The following DIP2C variants were observed in gnomAD, a reference collection of about 807,000 sequenced individuals.
DIP2C encodes the protein disco-interacting protein 2 homolog C.
A neutral mutation model predicts 192.4 loss-of-function variants in DIP2C; 33 were observed. That is an observed-to-expected ratio of 0.17 (90% CI 0.13 to 0.23). The LOEUF (loss-of-function observed/expected upper bound fraction) is 0.23, where lower values mean the gene tolerates loss of function less well. DIP2C is among the 10% of genes least tolerant of loss of function. DIP2C has a pLI of 1.00. For synonymous variants in DIP2C, 979 were observed against 864.1 expected (o/e 1.13, Z -2.33); for missense variants, 1,537 against 2,110.1 (o/e 0.73, Z 5.32).
intron 1 of DIP2C, among the ~76,000 whole-genome samples, chr10:513,798 A>G (rs1564808634): frequency 6.6e-6 from 1 of 152,234 alleles, no homozygotes; most frequent in Admixed American, 6.5e-5. Context: ...TAAAAGTCTC[A>G]TTAAGTAAAA....
At chr10:507,247 C>G (rs944313731) in intron 1 of DIP2C, among the ~76,000 whole-genome samples, 1 of 149,378 alleles carries the variant, frequency 6.7e-6, no homozygotes, top group Non-Finnish European at 1.5e-5. Context: ...CGTGAGGTTA[C>G]GGACCTGGTC....
intron 28 of DIP2C, 128 bp downstream of exon 28, chr10:344,681 G>T (rs957464624): frequency 4.1e-6 from 3 of 739,932 alleles, no homozygotes; most frequent in Non-Finnish European, 6.8e-6. Flanking sequence ...AATGAAACAC[G>T]TATGTATACC....
At chr10:302,285 C>G (rs769750680) in intron 32 of DIP2C, among the ~76,000 whole-genome samples, 4 of 152,130 alleles carry the variant, frequency 2.6e-5, no homozygotes, top group Non-Finnish European at 2.9e-5. Context: ...TGCCATTTCA[C>G]AGGCAGAGAA....
chr10:509,219 G>C (rs1845844039), intron 1 of DIP2C, among the ~76,000 whole-genome samples: 1 of 152,156 alleles, frequency 6.6e-6, no homozygotes, highest in South Asian at 2.1e-4. Context: ...CACCCGGGGA[G>C]GGGCATAGAG....
intron 3 of DIP2C, among the ~76,000 whole-genome samples, chr10:443,524 G>A (rs1967914449): frequency 6.6e-6 from 1 of 152,084 alleles, no homozygotes; most frequent in Admixed American, 6.5e-5. Context: ...CTCTGCTGCT[G>A]GGCACTGCCA....
chr10:529,482 G>A (rs538586871), intron 1 of DIP2C, among the ~76,000 whole-genome samples: 1 of 151,236 alleles, frequency 6.6e-6, no homozygotes, highest in South Asian at 2.1e-4. Flanking sequence ...ACAAAAGTTA[G>A]TTCTCAAAAT....
At chr10:534,738 G>A (rs533537412) in intron 1 of DIP2C, among the ~76,000 whole-genome samples, 1,556 of 150,566 alleles carry the variant, frequency 0.01, 29 homozygotes, top group African/African-American at 0.036. Flanking sequence ...CTGCAGTGGC[G>A]CAATCTCGGC....
At chr10:614,755 C>CGGGCTCCCTTGCCG (rs1853332523) in intron 1 of DIP2C, among the ~76,000 whole-genome samples, 1 of 152,230 alleles carries the variant, frequency 6.6e-6, no homozygotes, top group African/African-American at 2.4e-5. Flanking sequence ...CCTCTGGCTA[C>CGGGCTCCCTTGCCG]GGGCTCCCTT....
intron 29 of DIP2C, among the ~76,000 whole-genome samples, chr10:334,906 T>C (rs1957683846): frequency 6.6e-6 from 1 of 152,226 alleles, no homozygotes; most frequent in Non-Finnish European, 1.5e-5. Flanking sequence ...AAAACTGCTT[T>C]CACTATTGTG....
chr10:477,649 A>G (rs1345513602), intron 2 of DIP2C, among the ~76,000 whole-genome samples: 2 of 137,534 alleles, frequency 1.5e-5, no homozygotes, highest in Non-Finnish European at 3.2e-5. Flanking sequence ...GAAGAGAAGA[A>G]AAATAGATGA....
intron 1 of DIP2C, among the ~76,000 whole-genome samples, chr10:595,076 T>A (rs1157290259): frequency 6.6e-6 from 1 of 152,192 alleles, no homozygotes; most frequent in Non-Finnish European, 1.5e-5. Context: ...GTCTTCTACA[T>A]GGCATCAGCC....
intron 32 of DIP2C, among the ~76,000 whole-genome samples, chr10:300,231 T>TG (rs780831395): frequency 1.4e-4 from 22 of 152,108 alleles, no homozygotes; most frequent in Non-Finnish European, 2.2e-4. Flanking sequence ...AGCCCAAAGG[T>TG]GGAAGCAACC....
chr10:483,543 A>G (rs1012992606), intron 2 of DIP2C, among the ~76,000 whole-genome samples: 4 of 152,206 alleles, frequency 2.6e-5, no homozygotes, highest in African/African-American at 7.2e-5. Context: ...CTGGGCCTCA[A>G]TCAGGCGGCC....
At position 363,236 on chromosome 10, in the gene DIP2C, C is replaced by G. The variant is rs145004490; in HGVS notation, c.2553G>C (p.Thr851=). Residue 851 remains threonine, a synonymous_variant, in exon 21 of 37, where the codon ACG becomes ACC. Transcript: ENST00000280886. The surrounding 1 kb of genome is among the most constrained non-coding windows in gnomAD (Gnocchi z 5.4). ...TCATCCACTGGAAACTGTCCTCTTC[C>G]GTGGAGTCAGGCCTCTGCTCAGCCA... is the stretch of plus-strand genomic sequence containing the variant. ...VIVAEQRPDS[T]EEDSFQWMSR... 1 of 1,613,542 alleles carries G rather than the reference C, an allele frequency of 6.2e-7. No homozygotes were observed. Among genetic ancestry groups the G allele is most frequent in the Non-Finnish European group, 8.5e-7 (1 of 1,180,012 alleles).
At chr10:359,738 T>G (rs974611857) in intron 22 of DIP2C, among the ~76,000 whole-genome samples, 2 of 152,190 alleles carry the variant, frequency 1.3e-5, no homozygotes, top group Admixed American at 1.3e-4. Context: ...ATTCACCCGC[T>G]GCGCATCCTC....
At chr10:635,494 C>A (rs547118028) in intron 1 of DIP2C, among the ~76,000 whole-genome samples, 119 of 152,360 alleles carry the variant, frequency 7.8e-4, no homozygotes, top group Non-Finnish European at 1.3e-3. Flanking sequence ...GGCCGGGAAG[C>A]CGGGTCTCTG....
intron 1 of DIP2C, among the ~76,000 whole-genome samples, chr10:680,127 G>GCA (rs1475152849): frequency 6.6e-6 from 1 of 152,198 alleles, no homozygotes; most frequent in African/African-American, 2.4e-5. Flanking sequence ...TCCTGAGCAG[G>GCA]CAGGCACAGA....
intron 15 of DIP2C, 123 bp downstream of exon 15, chr10:384,423 A>C: frequency 9.8e-7 from 1 of 1,019,256 alleles, no homozygotes; most frequent in Non-Finnish European, 1.5e-6. Context: ...TTATTAGTAG[A>C]AACGGGGTTT....
intron 28 of DIP2C, among the ~76,000 whole-genome samples, chr10:341,990 G>A (rs910245067): frequency 1.3e-5 from 2 of 152,238 alleles, no homozygotes; most frequent in African/African-American, 4.8e-5. Context: ...GCTGGGCTAT[G>A]TTGTGTCTGG....
Sources: gnomAD v4.1 joint callset for allele counts (sites outside exome capture counted in the v4.1 genomes callset) on GRCh38, gnomAD v4.1.1 for gene constraint, Gnocchi (gnomAD v3.1) non-coding constraint, MANE v1.5 for transcripts, NCBI Gene and HGNC (gene_info 2026-07-23, HGNC 2026-07-21) for gene names.